The following SOS2 variants were observed in gnomAD, a reference collection of about 807,000 sequenced individuals.
The protein encoded by SOS2 is SOS Ras/Rho guanine nucleotide exchange factor 2, also known as son of sevenless homolog 2.
In SOS2, 65 loss-of-function variants were observed where a neutral mutation model predicts 148.2. The observed-to-expected ratio is 0.44, with a 90% confidence interval of 0.36 to 0.54. The LOEUF (loss-of-function observed/expected upper bound fraction) is 0.54. Ranked by LOEUF, SOS2 falls within the 20% of genes least tolerant of loss-of-function variation. The pLI is 0.00. For missense variants in SOS2, 1,341 were observed against 1,590.2 expected (o/e 0.84, Z 2.67); for synonymous variants, 539 against 537.1 (o/e 1.00, Z -0.05).
At chr14:50,224,963 C>T (rs1290852553) in intron 1 of SOS2, among the ~76,000 whole-genome samples, 1 of 149,794 alleles carries the variant, frequency 6.7e-6, no homozygotes, top group Non-Finnish European at 1.5e-5. Context: ...AACTGGAGTA[C>T]AGAAAACTTT....
At position 50,176,934 on chromosome 14, in the gene SOS2, C is replaced by T. The variant is rs921342525; in HGVS notation, c.970-2382G>A. On this transcript the variant is annotated intron_variant, in intron 7 of 22. Coordinates refer to ENST00000216373, the MANE Select transcript of SOS2 (RefSeq NM_006939.4). Reference sequence around the variant, plus strand: ...CTGAGGCAGGAGGACTCCTTAAACCCAAGAGGCAGAGGTTGCAGTGAGCCA... The same window carrying T: ...CTGAGGCAGGAGGACTCCTTAAACCTAAGAGGCAGAGGTTGCAGTGAGCCA... 2.0e-5 allele frequency among the ~76,000 whole-genome samples: 3 copies of T among 152,170 alleles called. No homozygotes were observed. The South Asian group carries it at 6.2e-4, about 32-fold the overall frequency.
chr14:50,207,336 G>T (rs925618570), intron 1 of SOS2, among the ~76,000 whole-genome samples: 3 of 151,522 alleles, frequency 2.0e-5, no homozygotes, highest in South Asian at 2.1e-4. Flanking sequence ...AACATGGCAA[G>T]ACCTCATCTC....
intron 22 of SOS2, 87 bp downstream of exon 22, chr14:50,120,188 G>A: frequency 1.6e-6 from 1 of 642,372 alleles, no homozygotes. Flanking sequence ...GGTAGCCAAA[G>A]TATAATTCAC....
At chr14:50,170,120 A>G (rs1266821990) in intron 8 of SOS2, among the ~76,000 whole-genome samples, 2 of 148,084 alleles carry the variant, frequency 1.4e-5, no homozygotes, top group East Asian at 3.9e-4. Flanking sequence ...TTTTGTAGAG[A>G]CAAGGTCTCA....
chr14:50,158,611 G>T lies in SOS2; in HGVS notation c.1888C>A (p.Arg630Ser). 6.2e-7 allele frequency: 1 copy of T among 1,609,152 alleles called. No individual in the cohort carries two copies. Among genetic ancestry groups the T allele is most frequent in the South Asian group, 1.1e-5 (1 of 90,298 alleles). Residue 630 changes from arginine (R) to serine (S), a missense_variant, in exon 11 of 23, where the codon CGT (arginine) becomes AGT (serine). Arg to Ser is a moderately radical substitution (Grantham distance 110). Transcript: ENST00000216373. ...AATTCCTGTGGTTTACAAAATGAAC[G>T]ATATGTGGTAAGAAAAGTACGAACA... ...NFVRTFLTTY[R>S]SFCKPQELLS...
At chr14:50,202,266 T>C (rs1025225094) in intron 2 of SOS2, among the ~76,000 whole-genome samples, 2 of 152,294 alleles carry the variant, frequency 1.3e-5, no homozygotes, top group South Asian at 4.1e-4. Context: ...ACCTAGGCAG[T>C]TCATCTAATT....
At chr14:50,223,750 G>T (rs555455039) in intron 1 of SOS2, among the ~76,000 whole-genome samples, 1 of 152,058 alleles carries the variant, frequency 6.6e-6, no homozygotes, top group Non-Finnish European at 1.5e-5. Flanking sequence ...GGGCGGCAGG[G>T]GGGTGAGGTG....
intron 19 of SOS2, among the ~76,000 whole-genome samples, chr14:50,132,478 T>C (rs539255095): frequency 4.6e-4 from 68 of 148,924 alleles, no homozygotes; most frequent in Middle Eastern, 3.6e-3. Context: ...CTGGCCAACA[T>C]GGTGAAACCT....
intron 22 of SOS2, 49 bp downstream of exon 22, chr14:50,120,226 T>G (rs776474981): frequency 1.2e-6 from 1 of 850,760 alleles, no homozygotes; most frequent in Non-Finnish European, 2.0e-6. Context: ...AGGCATTATT[T>G]TGAAGATTCA....
At chr14:50,210,544 A>G (rs1595027165) in intron 1 of SOS2, among the ~76,000 whole-genome samples, 1 of 152,292 alleles carries the variant, frequency 6.6e-6, no homozygotes, top group East Asian at 1.9e-4. Context: ...GATAAACTTT[A>G]TATTAAACTT....
chr14:50,158,977 G>T (rs1318837546), intron 10 of SOS2, among the ~76,000 whole-genome samples: 4 of 152,084 alleles, frequency 2.6e-5, no homozygotes, highest in Non-Finnish European at 4.4e-5. Context: ...GAGGTCAGGA[G>T]ATCGAAACCA....
chr14:50,178,713 CACACATAT>C (rs1566839749), intron 7 of SOS2, among the ~76,000 whole-genome samples: 1 of 20,638 alleles, frequency 4.8e-5, no homozygotes, highest in Non-Finnish European at 8.5e-5. Flanking sequence ...TATATATATA[CACACATAT>C]ACACACACAT....
Position 50,118,433 on chromosome 14 carries a change from T to C in SOS2, c.3910A>G (p.Lys1304Glu). The change falls in exon 23 of 23, where the codon AAA becomes GAA. Residue 1304 changes from lysine to glutamate, a missense_variant. By Grantham distance (56) the Lys-to-Glu change is moderately conservative. Around this residue, in one of 4 missense-constraint regions of SOS2, gnomAD observed 354 missense variants for 347.7 expected, o/e 1.02. Transcript: ENST00000216373. Reference protein sequence around the residue: ...PRQNSSPHLPKLPPKTYKREL... With the variant: ...PRQNSSPHLPELPPKTYKREL... ...CGTTTGTAAGTCTTTGGTGGCAGTT[T>C]TGGCAGATGAGGGCTTGAATTCTGC... The C allele has an allele frequency of 6.2e-7, 1 of 1,614,176 alleles. No homozygotes were observed. The highest frequency in any genetic ancestry group is 8.5e-7 in the Non-Finnish European group (1 of 1,180,010).
intron 11 of SOS2, 70 bp from the exon 12 acceptor site, chr14:50,157,191 C>T (rs1884849660): frequency 1.3e-6 from 2 of 1,541,268 alleles, no homozygotes; most frequent in African/African-American, 1.4e-5. Context: ...AAACAGCAAG[C>T]AACCTTCTTT....
intron 1 of SOS2, among the ~76,000 whole-genome samples, chr14:50,229,002 C>T (rs1038178190): frequency 5.9e-5 from 9 of 152,162 alleles, no homozygotes; most frequent in African/African-American, 1.2e-4. Flanking sequence ...ATGCCAAGTT[C>T]TAGATGCTCT....
intron 8 of SOS2, among the ~76,000 whole-genome samples, chr14:50,171,664 C>T (rs1225926623): frequency 8.5e-6 from 1 of 118,100 alleles, no homozygotes; most frequent in Non-Finnish European, 1.6e-5. Flanking sequence ...AGCCAGGCGA[C>T]AGAGCAAAAT....
chr14:50,231,144 G>A, intron 1 of SOS2, 53 bp downstream of exon 1: 1 of 1,129,318 alleles, frequency 8.9e-7, no homozygotes, highest in Non-Finnish European at 1.2e-6. Context: ...CTCCCCGTTA[G>A]AAGCTCGGGG....
chr14:50,129,664 C>T (rs940089327), intron 21 of SOS2, among the ~76,000 whole-genome samples: 2 of 152,282 alleles, frequency 1.3e-5, no homozygotes, highest in Non-Finnish European at 2.9e-5. Context: ...GGATTACAGG[C>T]GTGAGCCACC....
intron 1 of SOS2, among the ~76,000 whole-genome samples, chr14:50,209,439 TTTTC>T (rs975771519): frequency 5.3e-5 from 8 of 151,964 alleles, no homozygotes; most frequent in African/African-American, 1.9e-4. Context: ...AAAAATAAAC[TTTTC>T]TTTCTATGTA....
Sources: gnomAD v4.1 joint callset for allele counts (sites outside exome capture counted in the v4.1 genomes callset) on GRCh38, gnomAD v4.1.1 for gene constraint, gnomAD v4.1.1 regional missense constraint, MANE v1.5 for transcripts, NCBI Gene and HGNC (gene_info 2026-07-23, HGNC 2026-07-21) for gene names.